PDK3: variants seen among roughly 807,000 people sequenced by gnomAD.
PDK3 encodes the protein pyruvate dehydrogenase kinase 3.
Under a neutral mutation model 32.0 loss-of-function variants are expected in PDK3, and 12 were observed. That is an observed-to-expected ratio of 0.37 (90% CI 0.24 to 0.61). The LOEUF is 0.61. Among genes scored for constraint, PDK3 ranks in the 20% least tolerant of loss-of-function variants. The pLI, the probability that PDK3 is intolerant of heterozygous loss-of-function variation, is 0.65. For synonymous variants in PDK3, 122 were observed against 116.3 expected (o/e 1.05, Z -0.31); for missense variants, 188 against 316.9 (o/e 0.59, Z 3.09).
At chrX:24,528,278 T>G in intron 9 of PDK3, 92 bp downstream of exon 9, 1 of 486,735 alleles carries the variant, frequency 2.1e-6, no homozygotes, top group Non-Finnish European at 3.5e-6. Flanking sequence ...GTCACATTAG[T>G]GTAGTTGATT....
At chrX:24,500,140 A>G (rs1921817286) in intron 3 of PDK3, among the ~76,000 whole-genome samples, 1 of 110,944 alleles carries the variant, frequency 9.0e-6, no homozygotes. Context: ...CAGTTTCCAC[A>G]TCCTTGGATT....
exon 12 of PDK3, among the ~76,000 whole-genome samples, chrX:24,542,842 G>A (rs967455928): frequency 2.7e-5 from 3 of 112,339 alleles, no homozygotes; most frequent in Non-Finnish European, 5.6e-5. Context: ...TTACAGCTTC[G>A]GTTGGGTTTT....
intron 5 of PDK3, among the ~76,000 whole-genome samples, chrX:24,506,759 C>T (rs1180190401): frequency 9.3e-6 from 1 of 107,078 alleles, no homozygotes; most frequent in Non-Finnish European, 1.9e-5. Context: ...GTTGTGCAAC[C>T]ATCACCACAA....
chrX:24,540,797 G>T (rs1464182228), exon 12 of PDK3, among the ~76,000 whole-genome samples: 1 of 105,889 alleles, frequency 9.4e-6, no homozygotes, highest in African/African-American at 3.5e-5. Flanking sequence ...AGTGTCTTGG[G>T]GATGGGGCTG....
downstream of PDK3, among the ~76,000 whole-genome samples, chrX:24,537,368 G>A (rs1466805834): frequency 3.9e-5 from 4 of 102,603 alleles, no homozygotes; most frequent in Admixed American, 2.2e-4. Context: ...CCTGACCTCA[G>A]GTGATCTGCC....
At chrX:24,481,870 TAC>T (rs1350788040) in intron 1 of PDK3, among the ~76,000 whole-genome samples, 15 of 112,121 alleles carry the variant, frequency 1.3e-4, no homozygotes, top group African/African-American at 4.9e-4. Context: ...AACAAACTAA[TAC>T]AGAGATCATC....
chrX:24,496,053 G>A (rs1602110381), intron 2 of PDK3, among the ~76,000 whole-genome samples: 1 of 111,535 alleles, frequency 9.0e-6, no homozygotes, highest in African/African-American at 3.3e-5. Flanking sequence ...TCTATTGTTT[G>A]GTTTTTGTCT....
chrX:24,524,387 C>G (rs914736667), intron 6 of PDK3, among the ~76,000 whole-genome samples: 1 of 111,555 alleles, frequency 9.0e-6, no homozygotes, highest in Non-Finnish European at 1.9e-5. Context: ...ATGGAAGCTT[C>G]CAGTAAGCTG....
rs182817887 is a variant in PDK3, at chrX:24,471,080, G to A, written c.106+5519G>A. 5.4e-3 allele frequency among the ~76,000 whole-genome samples: 604 copies of A among 110,953 alleles called. 3 individuals are homozygous for A. The highest frequency in any genetic ancestry group is 8.1e-3 in the Non-Finnish European group (429 of 52,996). ...AGGTGGGGGGGCTAGGGGAGAGATAGCATTAGGAGAAATACCTAATGTAGA... is the reference window on the plus strand; with the variant it reads ...AGGTGGGGGGGCTAGGGGAGAGATAACATTAGGAGAAATACCTAATGTAGA... On this transcript the variant is annotated intron_variant, in intron 1 of 10. Transcript: ENST00000379162.
intron 5 of PDK3, among the ~76,000 whole-genome samples, chrX:24,511,005 TGAGA>T (rs981104618): frequency 1.2e-4 from 13 of 111,851 alleles, no homozygotes; most frequent in African/African-American, 4.2e-4. Flanking sequence ...CAAGTAAGAC[TGAGA>T]GAGAATAAAG....
chrX:24,496,566 A>ATTTTTTTTTTTTTTTTTTT (rs1921707593), intron 2 of PDK3, among the ~76,000 whole-genome samples: 1 of 41,133 alleles, frequency 2.4e-5, no homozygotes, highest in Non-Finnish European at 4.6e-5. Flanking sequence ...TACTACCCCC[A>ATTTTTTTTTTTTTTTTTTT]TCTTTTTTTT....
intron 1 of PDK3, among the ~76,000 whole-genome samples, chrX:24,490,969 C>A (rs1027774001): frequency 3.4e-4 from 38 of 110,865 alleles, no homozygotes; most frequent in Non-Finnish European, 5.5e-4. Flanking sequence ...CACCAGAATT[C>A]TTCTACTTCT....
At chrX:24,481,693 G>GCT (rs1055645547) in intron 1 of PDK3, among the ~76,000 whole-genome samples, 2 of 110,917 alleles carry the variant, frequency 1.8e-5, no homozygotes, top group African/African-American at 3.3e-5. Context: ...TTCTCCCTTT[G>GCT]CTCTCTCTCT....
intron 2 of PDK3, among the ~76,000 whole-genome samples, chrX:24,497,546 G>A (rs918096364): frequency 8.9e-6 from 1 of 112,456 alleles, no homozygotes; most frequent in Non-Finnish European, 1.9e-5. Flanking sequence ...TCAGCCTCCC[G>A]AAGTGCTGGG....
At chrX:24,514,627 G>A (rs1001609436) in intron 5 of PDK3, among the ~76,000 whole-genome samples, 1 of 111,450 alleles carries the variant, frequency 9.0e-6, no homozygotes, top group African/African-American at 3.3e-5. Flanking sequence ...TTTTGATGGC[G>A]ATTTTTTAAA....
chrX:24,496,927 G>A (rs938216171), intron 2 of PDK3, among the ~76,000 whole-genome samples: 2 of 105,433 alleles, frequency 1.9e-5, no homozygotes, highest in Non-Finnish European at 3.9e-5. Flanking sequence ...GACTACAGGC[G>A]CCCGCCACCA....
In PDK3 at chrX:24,521,345, C is replaced by T. The variant is rs1922393178; in HGVS notation, c.673+2335C>T. 2.8e-5 allele frequency among the ~76,000 whole-genome samples: 3 copies of T among 107,696 alleles called. No homozygotes were observed. In the South Asian group the frequency reaches 1.3e-3, roughly 45 times the overall value. 93.5% of individuals were successfully genotyped at this position (107,696 alleles called of 115,157 possible). On this transcript the variant is annotated intron_variant, in intron 6 of 10. Coordinates refer to ENST00000379162, the MANE Select transcript of PDK3 (RefSeq NM_005391.5). Reference sequence around the variant, plus strand: ...AGGAGTACACTAAAAATGTATTTCTCTTATAATGAGATAAAACTGTGAAAG... The same window carrying T: ...AGGAGTACACTAAAAATGTATTTCTTTTATAATGAGATAAAACTGTGAAAG...
chrX:24,505,294 G>A lies in PDK3; in HGVS notation c.591G>A (p.Val197=). 1 of 1,172,398 alleles carries A rather than the reference G, an allele frequency of 8.5e-7. No homozygotes were observed. Among genetic ancestry groups the A allele is most frequent in the South Asian group, 1.8e-5 (1 of 55,499 alleles). The change falls in exon 5 of 11, where the codon GTG becomes GTA. Residue 197 remains valine (V), a synonymous_variant. Transcript: ENST00000379162. ...IDPTCNVADV[V]KDAYETAKML... ...CCACCTGTAACGTGGCGGATGTGGTGAAAGGTAAGGAGACCGTTGTAATGG... is the reference window on the plus strand; with the variant it reads ...CCACCTGTAACGTGGCGGATGTGGTAAAAGGTAAGGAGACCGTTGTAATGG...
intron 1 of PDK3, among the ~76,000 whole-genome samples, chrX:24,478,898 A>G (rs1419818597): frequency 1.8e-5 from 2 of 112,227 alleles, no homozygotes; most frequent in African/African-American, 6.5e-5. Flanking sequence ...GGAGGTCAGT[A>G]TATAATAGTC....
Sources: allele counts gnomAD v4.1 joint callset (sites outside exome capture counted in the v4.1 genomes callset), GRCh38; gene constraint gnomAD v4.1.1; transcripts MANE v1.5; gene names NCBI Gene and HGNC (gene_info 2026-07-23, HGNC 2026-07-21).